TNRC18: variants seen among roughly 807,000 people sequenced by gnomAD.
TNRC18 encodes the protein trinucleotide repeat-containing gene 18 protein.
A neutral mutation model predicts 226.7 loss-of-function variants in TNRC18; 69 were observed. That is an observed-to-expected ratio of 0.30 (90% CI 0.25 to 0.37). TNRC18 has a LOEUF of 0.37. Among genes scored for constraint, TNRC18 ranks in the 10% least tolerant of loss-of-function variants. The probability of loss-of-function intolerance (pLI) is 1.00; values close to 1 mark genes in which losing one functional copy is unlikely to be tolerated. For synonymous variants in TNRC18, 2,449 were observed against 1,927.6 expected (o/e 1.27, Z -7.09); for missense variants, 4,754 against 4,256.6 (o/e 1.12, Z -3.25).
At chr7:5,364,463 AC>A (rs1793408916) in intron 11 of TNRC18, among the ~76,000 whole-genome samples, 1 of 1,850 alleles carries the variant, frequency 5.4e-4, no homozygotes, top group South Asian at 0.017. Context: ...CTCAAAGAAA[AC>A]ACACACACAC....
At position 5,332,951 on chromosome 7, in the gene TNRC18, C is replaced by G. The variant is rs1789703112; in HGVS notation, c.5818G>C (p.Gly1940Arg). The change falls in exon 19 of 30, where the codon GGA becomes CGA. Residue 1940 changes from glycine (G) to arginine (R), a missense_variant. Physicochemically the swap from Gly to Arg is moderately radical, Grantham distance 125 (BLOSUM62 -2). Coordinates refer to ENST00000430969, the MANE Select transcript of TNRC18 (RefSeq NM_001080495.3). ...LRPKKGLGEP[G>R]PSLAAPTPGA... ...GGCGTGGGTGCGGCCAGGGAGGGTC[C>G]CGGCTCCCCCAGCCCCTTCTTGGGC... is the stretch of plus-strand genomic sequence containing the variant. The G allele has an allele frequency of 6.4e-7, 1 of 1,553,078 alleles. No homozygotes were observed. The highest frequency in any genetic ancestry group is 8.6e-7 in the Non-Finnish European group (1 of 1,156,886).
chr7:5,419,170 T>C (rs1782379793), intron 2 of TNRC18, among the ~76,000 whole-genome samples: 1 of 152,226 alleles, frequency 6.6e-6, no homozygotes, highest in Non-Finnish European at 1.5e-5. Context: ...AGCCTCACCA[T>C]CCAGCAAATG....
At chr7:5,317,491 T>C (rs994058743) in intron 24 of TNRC18, among the ~76,000 whole-genome samples, 3 of 151,924 alleles carry the variant, frequency 2.0e-5, no homozygotes, top group Non-Finnish European at 4.4e-5. Flanking sequence ...CTCCAGAAGC[T>C]GAGGCAGGAG....
chr7:5,313,911 A>G (rs775391988), intron 26 of TNRC18, 48 bp from the exon 27 acceptor site: 1 of 1,417,068 alleles, frequency 7.1e-7, no homozygotes, highest in Admixed American at 2.6e-5. Flanking sequence ...TTCCTGGCAG[A>G]GATGAGCTGT....
intron 2 of TNRC18, among the ~76,000 whole-genome samples, chr7:5,415,470 G>A (rs1448481717): frequency 6.9e-6 from 1 of 144,682 alleles, no homozygotes; most frequent in Non-Finnish European, 1.5e-5. Context: ...TCCGCCTCCC[G>A]TGTTCAAGTG....
At chr7:5,366,790 G>A (rs1272150817) in intron 11 of TNRC18, among the ~76,000 whole-genome samples, 1 of 152,158 alleles carries the variant, frequency 6.6e-6, no homozygotes, top group Non-Finnish European at 1.5e-5. Flanking sequence ...GGGCTGTTCT[G>A]TTCTCCAAGA....
chr7:5,370,818 T>C lies in TNRC18; in HGVS notation c.3776A>G (p.Glu1259Gly). ...LTPETLVEAK[E>G]EPVEVPVAVP... ...CGCCACAGGCACCTCCACCGGCTCC[T>C]CCTTGGCCTCCACCAGTGTCTCGGG... Residue 1259 changes from glutamate to glycine, a missense_variant, in exon 11 of 30, where the codon GAG (glutamate) becomes GGG (glycine). Glu to Gly is a moderately conservative substitution (Grantham distance 98, BLOSUM62 -2). Coordinates refer to ENST00000430969, the MANE Select transcript of TNRC18 (RefSeq NM_001080495.3). 1.2e-6 allele frequency: 2 copies of C among 1,608,932 alleles called. No homozygotes were observed. Among genetic ancestry groups the C allele is most frequent in the Non-Finnish European group, 1.7e-6 (2 of 1,179,176 alleles).
intron 11 of TNRC18, among the ~76,000 whole-genome samples, chr7:5,368,525 A>G (rs899312042): frequency 3.9e-5 from 6 of 151,942 alleles, no homozygotes; most frequent in East Asian, 3.9e-4. Flanking sequence ...ATAGCCAGGC[A>G]TGGTGGTGCG....
intron 2 of TNRC18, among the ~76,000 whole-genome samples, chr7:5,413,254 G>A (rs1781954633): frequency 6.6e-6 from 1 of 152,138 alleles, no homozygotes; most frequent in South Asian, 2.1e-4. Context: ...GGAGCCAAGA[G>A]CAGCCCCCGC....
At chr7:5,311,040 G>A (rs943182714) in intron 27 of TNRC18, among the ~76,000 whole-genome samples, 1 of 152,268 alleles carries the variant, frequency 6.6e-6, no homozygotes, top group African/African-American at 2.4e-5. Context: ...GTGCAAGTGT[G>A]CATTTGTGTG....
At chr7:5,333,729 G>A (rs1789799994) in intron 18 of TNRC18, among the ~76,000 whole-genome samples, 1 of 152,090 alleles carries the variant, frequency 6.6e-6, no homozygotes, top group African/African-American at 2.4e-5. Context: ...TTTGCTCTCT[G>A]CCATCCCCTA....
intron 2 of TNRC18, among the ~76,000 whole-genome samples, chr7:5,419,431 G>C (rs544034277): frequency 6.6e-6 from 1 of 152,102 alleles, no homozygotes; most frequent in Non-Finnish European, 1.5e-5. Flanking sequence ...CCACCACTCC[G>C]GGCTGGACCA....
Position 5,345,517 on chromosome 7 carries a change from G to GCCACC in TNRC18, c.5719+44_5719+45insGGTGG. On this transcript the variant is annotated intron_variant, in intron 18 of 29. Transcript: ENST00000430969. ...CCTGTGGGATGGGGCAATGGCGTCC[G>GCCACC]CCCCTCCCACCCACCCCCACCGCAG... 1.7e-4 allele frequency: 63 copies of GCCACC among 377,744 alleles called. 3 individuals are homozygous for GCCACC. The highest frequency in any genetic ancestry group is 1.2e-3 in the South Asian group (28 of 22,822). 23.4% of individuals were successfully genotyped at this position (377,744 alleles called of 1,614,324 possible). A position where few individuals can be genotyped will look rare whatever the true frequency, so the allele number is the denominator to read the frequency against.
At position 5,351,869 on chromosome 7, in the gene TNRC18, G is replaced by A. The variant is rs1791854065; in HGVS notation, c.5420C>T (p.Ala1807Val). 1.9e-6 allele frequency: 3 copies of A among 1,612,326 alleles called. No individual in the cohort carries two copies. The highest frequency in any genetic ancestry group is 2.5e-6 in the Non-Finnish European group (3 of 1,179,288). ...KQPFCLLLRE[A>V]EARSSFSDSS... ...GTCGCTGAAGGAGGAACGCGCCTCG[G>A]CCTCTCGAAGCAGCAGACAAAACGG... The change falls in exon 17 of 30, where the codon GCC (alanine) becomes GTC (valine). Residue 1807 changes from alanine to valine, a missense_variant. Physicochemically the swap from Ala to Val is moderately conservative, Grantham distance 64. Transcript: ENST00000430969.
intron 15 of TNRC18, among the ~76,000 whole-genome samples, chr7:5,358,158 G>A (rs1439736937): frequency 2.0e-5 from 3 of 152,072 alleles, no homozygotes; most frequent in African/African-American, 7.2e-5. Context: ...CCAACTAAAG[G>A]GGCCGAAGCT....
Position 5,312,391 on chromosome 7 carries a change from C to T in TNRC18, c.8388+112G>A, listed in dbSNP as rs1319894113. On this transcript the variant is annotated intron_variant, in intron 27 of 29. Transcript: ENST00000430969. This position sits in a 1 kb window ranked among gnomAD's most constrained non-coding sequence, Gnocchi z 6.3. ...TAAAGTGGGACGCCAGCCCTCCACCCTGGGGTTCTGGGAGGTTACCACACA... is the reference window on the plus strand; with the variant it reads ...TAAAGTGGGACGCCAGCCCTCCACCTTGGGGTTCTGGGAGGTTACCACACA... The T allele has an allele frequency of 6.9e-7, 1 of 1,442,338 alleles. No individual in the cohort carries two copies. The allele number at this position is 1,442,338 out of a possible 1,614,324, so 89.3% of individuals were successfully genotyped here.
intron 16 of TNRC18, 85 bp downstream of exon 16, chr7:5,356,831 G>T (rs925279993): frequency 1.5e-5 from 19 of 1,295,844 alleles, no homozygotes; most frequent in African/African-American, 2.9e-5. Flanking sequence ...AGTGAGGGGC[G>T]GGGGGGGAAG....
chr7:5,371,532 A>T (rs1794159941), intron 10 of TNRC18, among the ~76,000 whole-genome samples, 168 bp from the exon 11 acceptor site: 1 of 152,182 alleles, frequency 6.6e-6, no homozygotes, highest in Non-Finnish European at 1.5e-5. Context: ...CCCCAGGGCC[A>T]TGCAGTGGCC....
rs556388011 is a variant in TNRC18, at chr7:5,336,654, A to C, written c.5720-3605T>G. 3.9e-5 allele frequency among the ~76,000 whole-genome samples: 6 copies of C among 152,304 alleles called. No individual in the cohort carries two copies. The South Asian group carries it at 1.2e-3, about 32-fold the overall frequency. On this transcript the variant is annotated intron_variant, in intron 18 of 29. Transcript: ENST00000430969. ...CTACTCAGGAGGCAGAGGTGGGAGG[A>C]TCACCTGAGCCCAGGAGGTTGAGGC...
Sources: allele counts gnomAD v4.1 joint callset (sites outside exome capture counted in the v4.1 genomes callset), GRCh38; gene constraint gnomAD v4.1.1; non-coding constraint Gnocchi (gnomAD v3.1); transcripts MANE v1.5; gene names NCBI Gene and HGNC (gene_info 2026-07-23, HGNC 2026-07-21).